The following ZNF469 variants were observed in gnomAD, a reference collection of about 807,000 sequenced individuals.
ZNF469 encodes zinc finger protein 469.
In ZNF469, 1 loss-of-function variant was observed where a neutral mutation model predicts 1.0. That is an observed-to-expected ratio of 1.00 (90% confidence interval 0.35 to 4.73). The LOEUF (loss-of-function observed/expected upper bound fraction) is 4.73, where lower values mean the gene tolerates loss of function less well. Among genes scored for constraint, ZNF469 ranks in the 30% most tolerant of loss-of-function variants. The probability of loss-of-function intolerance (pLI) is 0.16; values close to 1 mark genes in which losing one functional copy is unlikely to be tolerated. For synonymous variants in ZNF469, 2,703 were observed against 2,363.4 expected, an observed-to-expected ratio of 1.14 and a Z score of -4.17; for missense variants, 6,100 against 5,356.3, an observed-to-expected ratio of 1.14 and a Z score of -4.33.
At chr16:88,331,268 C>T in the ZNF469 span, among the ~76,000 whole-genome samples, 1 of 151,130 alleles carries the variant, frequency 6.6e-6, no homozygotes, top group Admixed American at 6.6e-5. Context: ...CCATCACCTT[C>T]ATAGTCATCA....
the ZNF469 span, among the ~76,000 whole-genome samples, chr16:88,109,662 G>A: frequency 6.7e-6 from 1 of 148,982 alleles, no homozygotes; most frequent in Non-Finnish European, 1.5e-5. Context: ...TGTCCACGCT[G>A]TCTCCTCTCC....
At chr16:88,206,467 C>T in the ZNF469 span, among the ~76,000 whole-genome samples, 7 of 152,182 alleles carry the variant, frequency 4.6e-5, no homozygotes, top group Admixed American at 2.0e-4. Flanking sequence ...AGCTCAGTTT[C>T]GGAAATGGGA....
In ZNF469 at chr16:88,432,479, C is replaced by T; in HGVS notation, c.5009C>T (p.Ala1670Val). ...CPASFHPGHA[A>V]LLPCAQEDLV... Reference sequence around the variant, plus strand: ...GCCTCCTTCCATCCGGGACATGCAGCCCTTCTCCCCTGTGCCCAGGAAGAC... The same window carrying T: ...GCCTCCTTCCATCCGGGACATGCAGTCCTTCTCCCCTGTGCCCAGGAAGAC... The change falls in exon 3 of 3, where the codon GCC becomes GTC. Residue 1670 changes from alanine to valine, a missense_variant. Ala to Val is a moderately conservative substitution (Grantham distance 64). Transcript: ENST00000565624. 1 of 1,550,392 alleles carries T rather than the reference C, an allele frequency of 6.4e-7. No homozygotes were observed. The highest frequency in any genetic ancestry group is 8.7e-7 in the Non-Finnish European group (1 of 1,146,976).
the ZNF469 span, among the ~76,000 whole-genome samples, chr16:88,258,169 T>A: frequency 6.6e-6 from 1 of 151,764 alleles, no homozygotes; most frequent in African/African-American, 2.4e-5. Context: ...AGAAACATAA[T>A]TGAGAAACAG....
chr16:88,361,635 T>G, the ZNF469 span, among the ~76,000 whole-genome samples: 1 of 152,080 alleles, frequency 6.6e-6, no homozygotes, highest in South Asian at 2.1e-4. Flanking sequence ...TGAAAATGCT[T>G]TCTCCCAGTC....
At chr16:88,140,464 G>T in the ZNF469 span, among the ~76,000 whole-genome samples, 2 of 152,094 alleles carry the variant, frequency 1.3e-5, no homozygotes, top group Non-Finnish European at 2.9e-5. Flanking sequence ...AAATCGGGGG[G>T]TAGCACGGAA....
chr16:88,380,531 ACACACG>A (rs2092519317), upstream of ZNF469, among the ~76,000 whole-genome samples: 1 of 107,974 alleles, frequency 9.3e-6, no homozygotes. Flanking sequence ...ACGCACTAAC[ACACACG>A]CACTAACACA....
At chr16:88,401,628 TG>T in intron 1 of ZNF469, among the ~76,000 whole-genome samples, 1 of 151,232 alleles carries the variant, frequency 6.6e-6, no homozygotes, top group Non-Finnish European at 1.5e-5. Flanking sequence ...GATGGATGGA[TG>T]GATGGATGGA....
intron 1 of ZNF469, among the ~76,000 whole-genome samples, chr16:88,391,957 C>T (rs1029441939): frequency 1.3e-5 from 2 of 152,120 alleles, no homozygotes; most frequent in African/African-American, 4.8e-5. Flanking sequence ...TGTATGACAA[C>T]CTGTCATATA....
At chr16:88,307,458 C>G in the ZNF469 span, among the ~76,000 whole-genome samples, 1 of 152,340 alleles carries the variant, frequency 6.6e-6, no homozygotes, top group East Asian at 1.9e-4. Context: ...TACATTCCCA[C>G]GGGCAGTGTG....
the ZNF469 span, among the ~76,000 whole-genome samples, chr16:88,365,628 A>G: frequency 6.6e-6 from 1 of 152,114 alleles, no homozygotes; most frequent in African/African-American, 2.4e-5. Context: ...GCCTTTTCTC[A>G]GCTGGTCCAT....
chr16:88,252,917 T>C, the ZNF469 span, among the ~76,000 whole-genome samples: 42 of 152,344 alleles, frequency 2.8e-4, no homozygotes, highest in African/African-American at 8.4e-4. Flanking sequence ...GCCTGCGTTA[T>C]TTCTGCCTTT....
Position 88,436,079 on chromosome 16 carries a change from C to T in ZNF469, c.8609C>T (p.Thr2870Ile). Residue 2870 changes from threonine (T) to isoleucine (I), a missense_variant, in exon 3 of 3, where the codon ACT (threonine) becomes ATT (isoleucine). Transcript: ENST00000565624. ...SQLFPPGGRL[T>I]RKRNPHVYGK... Reference sequence around the variant, plus strand: ...CTCTTCCCTCCAGGCGGTCGCTTGACTAGAAAGAGGAACCCGCATGTCTAC... The same window carrying T: ...CTCTTCCCTCCAGGCGGTCGCTTGATTAGAAAGAGGAACCCGCATGTCTAC... 6.5e-7 allele frequency: 1 copy of T among 1,549,968 alleles called. No individual in the cohort carries two copies. Among genetic ancestry groups the T allele is most frequent in the South Asian group, 1.2e-5 (1 of 84,068 alleles).
At chr16:88,153,038 G>A in the ZNF469 span, among the ~76,000 whole-genome samples, 5 of 152,164 alleles carry the variant, frequency 3.3e-5, no homozygotes, top group African/African-American at 1.2e-4. Flanking sequence ...CACTGTATGG[G>A]GGGTGGCGCG....
chr16:88,280,691 G>T, the ZNF469 span, among the ~76,000 whole-genome samples: 3 of 151,020 alleles, frequency 2.0e-5, no homozygotes, highest in Non-Finnish European at 4.4e-5. Context: ...ACCATGCATG[G>T]GTTAGTGCTG....
At chr16:88,287,187 C>T in the ZNF469 span, among the ~76,000 whole-genome samples, 3 of 152,254 alleles carry the variant, frequency 2.0e-5, no homozygotes, top group East Asian at 1.9e-4. Context: ...TGTCCGTAGC[C>T]GATGGCCATT....
chr16:88,343,714 A>G, the ZNF469 span, among the ~76,000 whole-genome samples: 1 of 152,088 alleles, frequency 6.6e-6, no homozygotes, highest in Non-Finnish European at 1.5e-5. Context: ...TGAAGCCACT[A>G]GTCCCACTCC....
At chr16:88,202,477 C>T in the ZNF469 span, among the ~76,000 whole-genome samples, 2 of 152,202 alleles carry the variant, frequency 1.3e-5, no homozygotes, top group Non-Finnish European at 2.9e-5. Context: ...CAGCCAGCAC[C>T]TCTCAGGTGC....
chr16:88,322,043 G>C, the ZNF469 span, among the ~76,000 whole-genome samples: 1 of 152,236 alleles, frequency 6.6e-6, no homozygotes, highest in Non-Finnish European at 1.5e-5. Context: ...TGAGAGAGAG[G>C]CCTCACTATT....
Sources: gnomAD v4.1 joint callset for allele counts (sites outside exome capture counted in the v4.1 genomes callset) on GRCh38, gnomAD v4.1.1 for gene constraint, MANE v1.5 for transcripts, NCBI Gene and HGNC (gene_info 2026-07-23, HGNC 2026-07-21) for gene names.